The following GRHL1 variants were observed in gnomAD, a reference collection of about 807,000 sequenced individuals.
GRHL1 encodes grainyhead like transcription factor 1.
In GRHL1, 38 loss-of-function variants were observed where a neutral mutation model predicts 75.7. The observed-to-expected ratio is 0.50, with a 90% CI of 0.39 to 0.66. The LOEUF (loss-of-function observed/expected upper bound fraction) is 0.66, where lower values mean the gene tolerates loss of function less well. GRHL1 is among the 30% of genes least tolerant of loss of function. The probability of loss-of-function intolerance (pLI) is 0.00; values close to 1 mark genes in which losing one functional copy is unlikely to be tolerated. For missense variants in GRHL1, 589 were observed against 767.5 expected (o/e 0.77, Z 2.75); for synonymous variants, 266 against 279.4 (o/e 0.95, Z 0.48).
At chr2:9,971,479 G>A (rs549838356) in intron 8 of GRHL1, among the ~76,000 whole-genome samples, 1 of 152,322 alleles carries the variant, frequency 6.6e-6, no homozygotes, top group African/African-American at 2.4e-5. Context: ...GGCTTTTAGT[G>A]TCTCGGCAGA....
chr2:9,994,583 A>G (rs11902932), intron 12 of GRHL1, among the ~76,000 whole-genome samples: 34,236 of 151,870 alleles, frequency 0.23, 4,261 homozygotes, highest in African/African-American at 0.34. Context: ...CGAGGCCTGC[A>G]CTGCCCCTTT....
intron 2 of GRHL1, 30 bp downstream of exon 2, chr2:9,955,131 C>G: frequency 6.9e-7 from 1 of 1,439,480 alleles, no homozygotes; most frequent in Non-Finnish European, 9.7e-7. Flanking sequence ...AAACCCTTAA[C>G]AGCAGTCTCC....
At chr2:9,997,838 A>C (rs992873552) in intron 14 of GRHL1, among the ~76,000 whole-genome samples, 2 of 151,998 alleles carry the variant, frequency 1.3e-5, no homozygotes, top group Non-Finnish European at 2.9e-5. Context: ...AAAACAACAA[A>C]AAACAAACAA....
chr2:9,973,399 G>C lies in GRHL1; in HGVS notation c.1110+8018G>C, dbSNP rs1338779000. On this transcript the variant is annotated intron_variant, in intron 8 of 15. Transcript: ENST00000324907. ...GAGAGAAGGAAGGTCATCAGTGTTT[G>C]TTTGTTTATTTTGGGTTGGGGAAGG... 3.3e-5 allele frequency among the ~76,000 whole-genome samples: 5 copies of C among 152,312 alleles called. No homozygotes were observed. The South Asian group carries it at 1.0e-3, about 32-fold the overall frequency.
At chr2:9,998,470 GTA>G (rs1214607175) in intron 14 of GRHL1, among the ~76,000 whole-genome samples, 20 of 32,288 alleles carry the variant, frequency 6.2e-4, no homozygotes, top group Non-Finnish European at 1.0e-3. Context: ...ATATATATAC[GTA>G]TATATATACA....
chr2:9,983,487 G>T (rs1333104930), intron 8 of GRHL1, among the ~76,000 whole-genome samples: 1 of 152,108 alleles, frequency 6.6e-6, no homozygotes, highest in Non-Finnish European at 1.5e-5. Flanking sequence ...CTCCATGTTT[G>T]CCCCGATCCT....
At chr2:9,963,834 C>A in intron 5 of GRHL1, 52 bp from the exon 6 acceptor site, 1 of 1,312,312 alleles carries the variant, frequency 7.6e-7, no homozygotes. Context: ...TGATGTATAG[C>A]AAGCTTCCAC....
At position 9,990,155 on chromosome 2, in the gene GRHL1, C is replaced by CT. The variant is rs1279026426; in HGVS notation, c.1270-530dup. Among the ~76,000 whole-genome samples the CT allele has an allele frequency of 0.028, 4,020 of 146,030 alleles. 181 individuals carry two copies. Among genetic ancestry groups the CT allele is most frequent in the African/African-American group, 0.094 (3,752 of 40,010 alleles). The stretch of plus-strand genomic sequence containing the variant: ...ACATCCATTATAAGGAGAAATTTTG[C>CT]TTTTTTTTTTTGAGACAGAGTTTCG... On this transcript the variant is annotated intron_variant, in intron 9 of 15. Coordinates refer to ENST00000324907, the MANE Select transcript of GRHL1 (RefSeq NM_198182.3). This position sits in a 1 kb window ranked among gnomAD's most constrained non-coding sequence, Gnocchi z 4.2.
intron 8 of GRHL1, among the ~76,000 whole-genome samples, chr2:9,975,588 T>C (rs540310315): frequency 3.9e-5 from 6 of 152,056 alleles, no homozygotes; most frequent in Non-Finnish European, 7.4e-5. Context: ...AAGAAAGATA[T>C]AAACACAGGC....
chr2:9,986,614 C>T (rs796213784), intron 9 of GRHL1, among the ~76,000 whole-genome samples: 31 of 152,056 alleles, frequency 2.0e-4, no homozygotes, highest in African/African-American at 6.5e-4. Context: ...GACAGGGTTT[C>T]GCCATGTTCC....
rs779642667 is a variant in GRHL1, at chr2:9,965,336, G to T, written c.1065G>T (p.Ala355=). The change falls in exon 8 of 16, where the codon GCG becomes GCT. Residue 355 remains alanine (A), a synonymous_variant. Coordinates refer to ENST00000324907, the MANE Select transcript of GRHL1 (RefSeq NM_198182.3). Reference sequence around the variant, plus strand: ...CTATCAGTAACATCGAGGAGATTGCGTATAACGCCATTTCCTTCACATGGG... The same window carrying T: ...CTATCAGTAACATCGAGGAGATTGCTTATAACGCCATTTCCTTCACATGGG... ...FNTISNIEEI[A]YNAISFTWDI... 1 of 1,612,236 alleles carries T rather than the reference G, an allele frequency of 6.2e-7. No individual in the cohort carries two copies. Among genetic ancestry groups the T allele is most frequent in the Admixed American group, 1.7e-5 (1 of 60,022 alleles).
At position 9,961,338 on chromosome 2, in the gene GRHL1, A is replaced by G. The variant is rs767268690; in HGVS notation, c.571A>G (p.Asn191Asp). The G allele has an allele frequency of 6.2e-6, 10 of 1,613,280 alleles. No homozygotes were observed. The East Asian group carries it at 2.0e-4, about 32-fold the overall frequency. ...GGTGGTGGTTTTCGATCGGAATCTC[A>G]ATACTGACCAGTTCAGCTCTGGTGC... ...ERVVVFDRNL[N>D]TDQFSSGAQA... is the part of the protein sequence containing the mutation. Residue 191 changes from asparagine to aspartate, a missense_variant, in exon 4 of 16, where the codon AAT becomes GAT. Asn to Asp is a conservative substitution (Grantham distance 23). Around this residue, in one of 5 missense-constraint regions of GRHL1, gnomAD observed 362 missense variants for 461.8 expected, o/e 0.78. Coordinates refer to ENST00000324907, the MANE Select transcript of GRHL1 (RefSeq NM_198182.3).
At chr2:9,965,719 T>G (rs898224948) in intron 8 of GRHL1, 4 of 250,332 alleles carry the variant, frequency 1.6e-5, no homozygotes, top group African/African-American at 6.6e-5. Context: ...TTGAAGGAGG[T>G]GTAAGGAGTA....
intron 8 of GRHL1, among the ~76,000 whole-genome samples, chr2:9,983,010 CAAA>C (rs1668263102): frequency 6.6e-6 from 1 of 152,200 alleles, no homozygotes; most frequent in Admixed American, 6.5e-5. Context: ...GGGGCCAGCT[CAAA>C]TGCTTTGATG....
At chr2:9,952,821 G>C (rs539429018) in intron 1 of GRHL1, 3 of 296,732 alleles carry the variant, frequency 1.0e-5, no homozygotes, top group South Asian at 9.0e-5. Context: ...ATTTGTGAAG[G>C]ATCGGTTTTT....
At position 9,987,433 on chromosome 2, in the gene GRHL1, T is replaced by TG. The variant is rs1242467449; in HGVS notation, c.1269+1152dup. Among the ~76,000 whole-genome samples, 1 of 152,240 alleles carries TG rather than the reference T, an allele frequency of 6.6e-6. No homozygotes were observed. The highest frequency in any genetic ancestry group is 1.5e-5 in the Non-Finnish European group (1 of 68,034). On this transcript the variant is annotated intron_variant, in intron 9 of 15. Coordinates refer to ENST00000324907, the MANE Select transcript of GRHL1 (RefSeq NM_198182.3). This position sits in a 1 kb window ranked among gnomAD's most constrained non-coding sequence, Gnocchi z 4.2. ...GCACACAGGACCCTCTGAGCCCAGC[T>TG]GCTGGAAGTGTAGGCAGTCACCCCT...
chr2:9,996,100 A>G (rs1668851246), intron 13 of GRHL1, 130 bp downstream of exon 13: 1 of 747,292 alleles, frequency 1.3e-6, no homozygotes, highest in South Asian at 1.6e-5. Context: ...TCAGACTGAC[A>G]TCTAGCTTGA....
At position 9,975,096 on chromosome 2, in the gene GRHL1, G is replaced by C. The variant is rs73159972; in HGVS notation, c.1110+9715G>C. Among the ~76,000 whole-genome samples, 1,428 of 152,268 alleles carry C rather than the reference G, an allele frequency of 9.4e-3. 27 individuals are homozygous for C. Among genetic ancestry groups the C allele is most frequent in the African/African-American group, 0.032 (1,344 of 41,556 alleles). ...AAGTGGAAAAGGGGCAGCTGGAACA[G>C]CTTAGTCCGAGGAGGTGCTTTCACC... On this transcript the variant is annotated intron_variant, in intron 8 of 15. Coordinates refer to ENST00000324907, the MANE Select transcript of GRHL1 (RefSeq NM_198182.3).
chr2:9,974,525 C>T (rs1055723789), intron 8 of GRHL1, among the ~76,000 whole-genome samples: 9 of 150,294 alleles, frequency 6.0e-5, no homozygotes, highest in African/African-American at 2.2e-4. Context: ...TGACAGCAGG[C>T]GATACTGATG....
Sources: allele counts gnomAD v4.1 joint callset (sites outside exome capture counted in the v4.1 genomes callset), GRCh38; gene constraint gnomAD v4.1.1; regional missense constraint gnomAD v4.1.1; non-coding constraint Gnocchi (gnomAD v3.1); transcripts MANE v1.5; gene names NCBI Gene and HGNC (gene_info 2026-07-23, HGNC 2026-07-21).